NECTIN1: variants seen among roughly 807,000 people sequenced by gnomAD.
NECTIN1 encodes nectin cell adhesion molecule 1, also known as nectin-1.
NECTIN1 carries 23 observed loss-of-function variants against 48.0 expected under a neutral mutation model. That is an observed-to-expected ratio of 0.48 (90% CI 0.34 to 0.68). The LOEUF is 0.68. NECTIN1 is among the 30% of genes least tolerant of loss of function. NECTIN1 has a pLI of 0.01. For synonymous variants in NECTIN1, 270 were observed against 288.9 expected (o/e 0.93, Z 0.66); for missense variants, 591 against 709.9 (o/e 0.83, Z 1.90).
chr11:119,659,356 G>C (rs374265403), downstream of NECTIN1: 2 of 152,206 alleles, frequency 1.3e-5, no homozygotes, highest in South Asian at 2.1e-4. Flanking sequence ...AGGCCTCCAC[G>C]GTCTCCAGAG....
intron 1 of NECTIN1, among the ~76,000 whole-genome samples, chr11:119,715,854 G>C (rs1865735346): frequency 6.6e-6 from 1 of 152,184 alleles, no homozygotes; most frequent in South Asian, 2.1e-4. Context: ...CACCCTCAGG[G>C]ATCACCTGCT....
At position 119,663,742 on chromosome 11, in the gene NECTIN1, A is replaced by G; in HGVS notation, c.*1005T>C. On this transcript the variant is annotated 3_prime_UTR_variant, in exon 6 of 6. Transcript: ENST00000264025. Reference sequence around the variant, plus strand: ...GAAATCAGAGAAACCTCCACGCTGTAAGAAGCAGTTTGGGGCAGGCCTGAG... The same window carrying G: ...GAAATCAGAGAAACCTCCACGCTGTGAGAAGCAGTTTGGGGCAGGCCTGAG... 2 of 985,492 alleles carry G rather than the reference A, an allele frequency of 2.0e-6. No homozygotes were observed. The highest frequency in any genetic ancestry group is 4.7e-5 in the South Asian group (1 of 21,290). The allele number at this position is 985,492 out of a possible 1,614,324, so 61.0% of individuals were successfully genotyped here. A position where few individuals can be genotyped will look rare whatever the true frequency, so the allele number is the denominator to read the frequency against.
intron 5 of NECTIN1, among the ~76,000 whole-genome samples, chr11:119,669,934 C>T (rs1001479516): frequency 2.6e-5 from 4 of 151,998 alleles, no homozygotes; most frequent in African/African-American, 9.7e-5. Context: ...TCTTTTTTTC[C>T]TCCTCAATAT....
At chr11:119,655,401 A>G (rs1442420041) in intron 5 of NECTIN1, among the ~76,000 whole-genome samples, 1 of 152,122 alleles carries the variant, frequency 6.6e-6, no homozygotes, top group Admixed American at 6.5e-5. Flanking sequence ...GTTGGTGAAC[A>G]CACACTGACA....
intron 1 of NECTIN1, among the ~76,000 whole-genome samples, chr11:119,725,180 C>T (rs1865890744): frequency 6.6e-6 from 1 of 152,222 alleles, no homozygotes; most frequent in South Asian, 2.1e-4. Context: ...GCCTGGTCCA[C>T]TTGCTCAGTC....
intron 1 of NECTIN1, chr11:119,712,936 C>T (rs568367371): frequency 6.6e-6 from 1 of 152,334 alleles, no homozygotes; most frequent in African/African-American, 2.4e-5. Context: ...GCTGACTGAC[C>T]TCACCTAAAG....
At chr11:119,682,083 C>A (rs147503203) in intron 1 of NECTIN1, among the ~76,000 whole-genome samples, 1 of 152,038 alleles carries the variant, frequency 6.6e-6, no homozygotes, top group African/African-American at 2.4e-5. Flanking sequence ...ACTTAGGGAC[C>A]GGGAACCCAA....
At position 119,663,484 on chromosome 11, in the gene NECTIN1, C is replaced by T; in HGVS notation, c.*1263G>A. On this transcript the variant is annotated 3_prime_UTR_variant, in exon 6 of 6. Coordinates refer to ENST00000264025, the MANE Select transcript of NECTIN1 (RefSeq NM_002855.5). ...GCTGAGCAGGAGGTGGCCTAGCGGC[C>T]CCACCCCCCTCACTTTCTGCCAGGC... The T allele has an allele frequency of 2.0e-6, 2 of 985,520 alleles. No individual in the cohort carries two copies. Among genetic ancestry groups the T allele is most frequent in the Non-Finnish European group, 2.4e-6 (2 of 830,014 alleles). 61.0% of individuals were successfully genotyped at this position (985,520 alleles called of 1,614,324 possible).
At chr11:119,717,015 C>T (rs924741195) in intron 1 of NECTIN1, among the ~76,000 whole-genome samples, 2 of 152,224 alleles carry the variant, frequency 1.3e-5, no homozygotes, top group Non-Finnish European at 2.9e-5. Context: ...ACACAAGTGC[C>T]GAGGGGCTAG....
At chr11:119,669,947 C>A (rs74763388) in intron 5 of NECTIN1, among the ~76,000 whole-genome samples, 2,757 of 151,876 alleles carry the variant, frequency 0.018, 66 homozygotes, top group African/African-American at 0.062. Context: ...CTCAATATCA[C>A]CTTCAAAATT....
chr11:119,657,183 A>G (rs934310472), downstream of NECTIN1, among the ~76,000 whole-genome samples: 20 of 152,318 alleles, frequency 1.3e-4, no homozygotes, highest in African/African-American at 4.3e-4. Context: ...GTGTTAACTC[A>G]TGGAATAACC....
At chr11:119,725,286 G>A (rs1475863916) in intron 1 of NECTIN1, among the ~76,000 whole-genome samples, 1 of 152,162 alleles carries the variant, frequency 6.6e-6, no homozygotes, top group Non-Finnish European at 1.5e-5. Flanking sequence ...TTGTACAAAG[G>A]TGAGTGGCTG....
chr11:119,685,712 C>T (rs1253831591), intron 1 of NECTIN1, among the ~76,000 whole-genome samples: 1 of 152,234 alleles, frequency 6.6e-6, no homozygotes, highest in East Asian at 1.9e-4. Context: ...GAGCCTCTCT[C>T]TTGGCCCTGC....
chr11:119,639,974 T>C (rs1864300651), exon 6 of NECTIN1: 1 of 1,613,884 alleles, frequency 6.2e-7, no homozygotes, highest in Admixed American at 1.7e-5. Flanking sequence ...GCCAGGAGCC[T>C]GGCTGCACTT....
At chr11:119,649,253 C>T (rs534704278) in intron 5 of NECTIN1, among the ~76,000 whole-genome samples, 64 of 151,686 alleles carry the variant, frequency 4.2e-4, no homozygotes, top group Non-Finnish European at 5.0e-4. Context: ...TGGTGGCGTG[C>T]GCCTGTCGTC....
At chr11:119,649,312 C>G (rs989362974) in intron 5 of NECTIN1, among the ~76,000 whole-genome samples, 5 of 151,160 alleles carry the variant, frequency 3.3e-5, no homozygotes, top group African/African-American at 1.2e-4. Context: ...ACCCAGGAGG[C>G]AGAGGTTGCA....
chr11:119,718,585 G>A (rs1452561135), intron 1 of NECTIN1, among the ~76,000 whole-genome samples: 1 of 152,208 alleles, frequency 6.6e-6, no homozygotes, highest in Non-Finnish European at 1.5e-5. Context: ...GATCCACCCA[G>A]GATCTGGGGC....
At chr11:119,725,624 G>A (rs949924335) in intron 1 of NECTIN1, among the ~76,000 whole-genome samples, 11 of 152,186 alleles carry the variant, frequency 7.2e-5, no homozygotes, top group African/African-American at 2.4e-4. Context: ...GTGAGAAATA[G>A]AGAGAGAGGA....
chr11:119,654,807 G>T (rs1488209734), intron 5 of NECTIN1, among the ~76,000 whole-genome samples: 4 of 152,144 alleles, frequency 2.6e-5, no homozygotes, highest in African/African-American at 7.2e-5. Flanking sequence ...CTGACCTTGT[G>T]ATCTGCCCAC....
Sources: gnomAD v4.1 joint callset for allele counts (sites outside exome capture counted in the v4.1 genomes callset) on GRCh38, gnomAD v4.1.1 for gene constraint, MANE v1.5 for transcripts, NCBI Gene and HGNC (gene_info 2026-07-23, HGNC 2026-07-21) for gene names.